Variants in ANKS1B observed in about 807,000 individuals in gnomAD.
The protein encoded by ANKS1B is ankyrin repeat and sterile alpha motif domain containing 1B.
In ANKS1B, 36 loss-of-function variants were observed where a neutral mutation model predicts 148.3. The observed-to-expected ratio is 0.24, with a 90% confidence interval of 0.19 to 0.32. The LOEUF (loss-of-function observed/expected upper bound fraction) is 0.32. Ranked by LOEUF, ANKS1B falls within the 10% of genes least tolerant of loss-of-function variation. The pLI is 1.00. For missense variants in ANKS1B, 1,157 were observed against 1,542.6 expected, an observed-to-expected ratio of 0.75 and a Z score of 4.19; for synonymous variants, 542 against 560.8, an observed-to-expected ratio of 0.97 and a Z score of 0.47.
intron 8 of ANKS1B, among the ~76,000 whole-genome samples, chr12:99,701,372 CT>C (rs2054785787): frequency 6.6e-6 from 1 of 152,094 alleles, no homozygotes; most frequent in Admixed American, 6.5e-5. Flanking sequence ...GCTGCTGCTG[CT>C]TTTTTTAAAT....
rs1015097541 is a variant in ANKS1B, at chr12:98,829,873, C to T, written c.2887-520G>A. Among the ~76,000 whole-genome samples, 3 of 152,180 alleles carry T rather than the reference C, an allele frequency of 2.0e-5. No homozygotes were observed. Among genetic ancestry groups the T allele is most frequent in the Non-Finnish European group, 4.4e-5 (3 of 68,024 alleles). On this transcript the variant is annotated intron_variant, in intron 18 of 26. Transcript: ENST00000683438. The surrounding 1 kb of genome is among the most constrained non-coding windows in gnomAD (Gnocchi z 5.2). ...CATGCTACGACAGAGGATGCTTTTC[C>T]AAGGCAAAGACAACTCCATCCAAGG... is the stretch of plus-strand genomic sequence containing the variant.
In ANKS1B at chr12:99,094,972, A is replaced by C. The variant is rs539460239; in HGVS notation, c.2527-9949T>G. ...AACAGCCTAGAAACATAAATAATCT[A>C]AAGGAAATGTGATGAAATATGACCT... On this transcript the variant is annotated intron_variant, in intron 15 of 26. Transcript: ENST00000683438. Among the ~76,000 whole-genome samples the C allele has an allele frequency of 2.6e-5, 4 of 152,070 alleles. No homozygotes were observed. In the South Asian group the frequency reaches 8.3e-4, roughly 32 times the overall value.
chr12:99,731,459 T>TGTGTGTGTGTGTGTGTG (rs1567736260), intron 8 of ANKS1B, among the ~76,000 whole-genome samples: 1 of 148,064 alleles, frequency 6.8e-6, no homozygotes, highest in Admixed American at 6.8e-5. Flanking sequence ...TGTGTGTGTG[T>TGTGTGTGTGTGTGTGTG]TTTAATTATC....
intron 22 of ANKS1B, among the ~76,000 whole-genome samples, chr12:98,794,144 C>A (rs1398233507): frequency 1.3e-5 from 2 of 152,072 alleles, no homozygotes; most frequent in African/African-American, 2.4e-5. Context: ...GTAATCCCAG[C>A]ACTTTGGGAG....
chr12:98,768,426 TAAAAAAAA>T (rs386377533), intron 25 of ANKS1B, among the ~76,000 whole-genome samples: 2 of 46,678 alleles, frequency 4.3e-5, no homozygotes, highest in African/African-American at 9.2e-5. Context: ...GGGTGCTCTC[TAAAAAAAA>T]AAAAAAAAAA....
intron 17 of ANKS1B, among the ~76,000 whole-genome samples, chr12:99,007,745 A>G (rs2099936974): frequency 1.3e-5 from 2 of 151,946 alleles, no homozygotes; most frequent in Admixed American, 1.3e-4. Flanking sequence ...CAAAGACCCA[A>G]TTCCTCCTGT....
At chr12:99,662,702 T>C (rs2098483575) in intron 8 of ANKS1B, among the ~76,000 whole-genome samples, 1 of 152,190 alleles carries the variant, frequency 6.6e-6, no homozygotes, top group Non-Finnish European at 1.5e-5. Context: ...AGAATACATT[T>C]ATGACAACCA....
In ANKS1B at chr12:99,964,074, T is replaced by C. The variant is rs114703512; in HGVS notation, c.134+20030A>G. Among the ~76,000 whole-genome samples, 773 of 152,218 alleles carry C rather than the reference T, an allele frequency of 5.1e-3. 6 individuals are homozygous for C. The highest frequency in any genetic ancestry group is 0.017 in the African/African-American group (725 of 41,522). ...TAAACAGCAAAAAAATATATAAAGATTTTCTGTCTCTCATTCTGGAGGCCT... is the reference window on the plus strand; with the variant it reads ...TAAACAGCAAAAAAATATATAAAGACTTTCTGTCTCTCATTCTGGAGGCCT... On this transcript the variant is annotated intron_variant, in intron 1 of 26. Coordinates refer to ENST00000683438, the MANE Select transcript of ANKS1B (RefSeq NM_001352186.2).
intron 17 of ANKS1B, among the ~76,000 whole-genome samples, chr12:98,873,047 T>C (rs916714134): frequency 6.6e-6 from 1 of 152,202 alleles, no homozygotes; most frequent in African/African-American, 2.4e-5. Context: ...GAAATGCTGT[T>C]TCCTCCTTGT....
intron 14 of ANKS1B, among the ~76,000 whole-genome samples, chr12:99,188,373 C>A (rs1383865015): frequency 6.6e-6 from 1 of 152,176 alleles, no homozygotes; most frequent in African/African-American, 2.4e-5. Context: ...ACTGTCCATC[C>A]CAAATCAACA....
chr12:98,873,247 C>T (rs534868805), intron 17 of ANKS1B, among the ~76,000 whole-genome samples: 1 of 152,268 alleles, frequency 6.6e-6, no homozygotes, highest in South Asian at 2.1e-4. Context: ...TTGTGCTGCT[C>T]CAGTCACTAT....
intron 17 of ANKS1B, among the ~76,000 whole-genome samples, chr12:98,967,581 A>G (rs1320523291): frequency 7.1e-6 from 1 of 140,190 alleles, no homozygotes; most frequent in African/African-American, 2.7e-5. Context: ...GTTTATATGG[A>G]GAGAGTCCCT....
intron 9 of ANKS1B, among the ~76,000 whole-genome samples, chr12:99,628,403 T>A (rs963411115): frequency 2.6e-5 from 4 of 152,270 alleles, no homozygotes; most frequent in African/African-American, 4.8e-5. Context: ...CTAAAAAAAA[T>A]TTCTGTGAAA....
At chr12:99,361,753 C>A (rs1180009252) in intron 12 of ANKS1B, among the ~76,000 whole-genome samples, 1 of 151,966 alleles carries the variant, frequency 6.6e-6, no homozygotes, top group Non-Finnish European at 1.5e-5. Flanking sequence ...TCTAAAATCA[C>A]ATAATCATTG....
intron 15 of ANKS1B, among the ~76,000 whole-genome samples, chr12:99,119,713 AG>A (rs765492732): frequency 2.6e-5 from 4 of 152,192 alleles, no homozygotes; most frequent in Non-Finnish European, 5.9e-5. Context: ...AGGTGCAGTG[AG>A]TCAAGGTCTG....
At chr12:99,225,690 C>T (rs2085815499) in intron 14 of ANKS1B, among the ~76,000 whole-genome samples, 1 of 152,224 alleles carries the variant, frequency 6.6e-6, no homozygotes, top group African/African-American at 2.4e-5. Context: ...CCTGAAACAA[C>T]AGACTCCAGG....
intron 17 of ANKS1B, among the ~76,000 whole-genome samples, chr12:99,020,188 C>A (rs942228082): frequency 2.0e-5 from 3 of 152,072 alleles, no homozygotes; most frequent in Non-Finnish European, 4.4e-5. Flanking sequence ...TCACCATCAT[C>A]CATCTCTGGC....
chr12:99,449,872 T>C (rs190255038), intron 10 of ANKS1B, among the ~76,000 whole-genome samples: 3 of 152,008 alleles, frequency 2.0e-5, no homozygotes, highest in Admixed American at 1.3e-4. Context: ...TCCAGAGAAA[T>C]AGGACCAACA....
chr12:99,650,553 A>T (rs1289931666), intron 9 of ANKS1B, among the ~76,000 whole-genome samples: 1 of 152,156 alleles, frequency 6.6e-6, no homozygotes. Flanking sequence ...CTGCTTTGCA[A>T]TTGTCCCATA....
Sources: gnomAD v4.1 joint callset for allele counts (sites outside exome capture counted in the v4.1 genomes callset) on GRCh38, gnomAD v4.1.1 for gene constraint, Gnocchi (gnomAD v3.1) non-coding constraint, MANE v1.5 for transcripts, NCBI Gene and HGNC (gene_info 2026-07-23, HGNC 2026-07-21) for gene names.